Variants in GRID2 observed in about 807,000 individuals in gnomAD.
The protein encoded by GRID2 is glutamate receptor ionotropic, delta-2.
GRID2 carries 33 observed loss-of-function variants against 114.8 expected under a neutral mutation model. The observed-to-expected ratio is 0.29, with a 90% confidence interval of 0.22 to 0.38. The LOEUF is 0.38. Ranked by LOEUF, GRID2 falls within the 10% of genes least tolerant of loss-of-function variation. The probability of loss-of-function intolerance (pLI) is 1.00; values close to 1 mark genes in which losing one functional copy is unlikely to be tolerated. For synonymous variants in GRID2, 505 were observed against 449.9 expected, an observed-to-expected ratio of 1.12 and a Z score of -1.55; for missense variants, 1,184 against 1,257.7, an observed-to-expected ratio of 0.94 and a Z score of 0.89.
intron 1 of GRID2, among the ~76,000 whole-genome samples, chr4:92,530,756 A>T (rs911622447): frequency 1.4e-5 from 2 of 145,596 alleles, no homozygotes; most frequent in Admixed American, 1.4e-4. Flanking sequence ...AAAAAAAAAA[A>T]ATTAGCTGGG....
intron 14 of GRID2, among the ~76,000 whole-genome samples, chr4:93,740,621 T>C (rs972950150): frequency 1.3e-5 from 2 of 152,206 alleles, no homozygotes; most frequent in African/African-American, 2.4e-5. Flanking sequence ...TAGATACATA[T>C]GTGCGTTACT....
intron 2 of GRID2, among the ~76,000 whole-genome samples, chr4:92,951,105 A>G (rs986539358): frequency 6.6e-6 from 1 of 152,130 alleles, no homozygotes; most frequent in African/African-American, 2.4e-5. Context: ...CTAGAACCAC[A>G]CTATCTATTA....
At chr4:93,593,381 C>T (rs377247952) in intron 13 of GRID2, among the ~76,000 whole-genome samples, 28 of 133,990 alleles carry the variant, frequency 2.1e-4, no homozygotes, top group African/African-American at 6.7e-4. Flanking sequence ...TGAATATTGG[C>T]CCCCACTCTC....
chr4:93,627,652 C>A (rs1742845625), intron 14 of GRID2, among the ~76,000 whole-genome samples: 1 of 152,210 alleles, frequency 6.6e-6, no homozygotes. Context: ...CTTCTCATTC[C>A]AAGGCCCAGG....
intron 1 of GRID2, among the ~76,000 whole-genome samples, chr4:92,492,539 A>G (rs1291869105): frequency 6.6e-6 from 1 of 152,176 alleles, no homozygotes; most frequent in East Asian, 1.9e-4. Context: ...CCTTTCAGAT[A>G]TTCTTGGATA....
intron 2 of GRID2, among the ~76,000 whole-genome samples, chr4:92,638,713 A>T (rs1370881101): frequency 6.6e-6 from 1 of 150,542 alleles, no homozygotes; most frequent in African/African-American, 2.4e-5. Context: ...TGTAAATAAA[A>T]GATTAATGAA....
chr4:92,484,658 GA>G (rs1366993622), intron 1 of GRID2, among the ~76,000 whole-genome samples: 1 of 152,018 alleles, frequency 6.6e-6, no homozygotes, highest in Non-Finnish European at 1.5e-5. Flanking sequence ...CAGTACATCA[GA>G]ATAAGTTAAT....
chr4:93,647,851 T>C (rs1202251965), intron 14 of GRID2, among the ~76,000 whole-genome samples: 1 of 152,162 alleles, frequency 6.6e-6, no homozygotes, highest in Non-Finnish European at 1.5e-5. Flanking sequence ...ACACCCACAA[T>C]AAAATAGCTA....
chr4:92,951,716 C>T (rs1005057680), intron 2 of GRID2, among the ~76,000 whole-genome samples: 2 of 152,170 alleles, frequency 1.3e-5, no homozygotes, highest in Non-Finnish European at 2.9e-5. Context: ...TTGCACCAAA[C>T]TGTGTGACCC....
chr4:93,243,516 T>C (rs1384332782), intron 8 of GRID2, among the ~76,000 whole-genome samples: 6 of 152,026 alleles, frequency 3.9e-5, no homozygotes, highest in Admixed American at 3.9e-4. Context: ...AGTGGCTCAG[T>C]GTATACAAAG....
At chr4:92,813,016 C>T (rs1016062429) in intron 2 of GRID2, among the ~76,000 whole-genome samples, 1 of 152,084 alleles carries the variant, frequency 6.6e-6, no homozygotes, top group African/African-American at 2.4e-5. Flanking sequence ...ATAATGTGCA[C>T]TTTTACTTGT....
intron 2 of GRID2, among the ~76,000 whole-genome samples, chr4:92,911,927 T>G (rs1432643712): frequency 6.6e-6 from 1 of 151,820 alleles, no homozygotes; most frequent in Non-Finnish European, 1.5e-5. Flanking sequence ...AACACAAGCT[T>G]CCAGTTTTTC....
intron 2 of GRID2, among the ~76,000 whole-genome samples, chr4:92,972,006 C>A (rs902377144): frequency 2.6e-5 from 4 of 152,032 alleles, no homozygotes; most frequent in African/African-American, 9.7e-5. Context: ...AAGGGGGGTA[C>A]TGTTTCTCTT....
At chr4:92,831,771 G>A (rs1485034703) in intron 2 of GRID2, among the ~76,000 whole-genome samples, 1 of 151,758 alleles carries the variant, frequency 6.6e-6, no homozygotes, top group Non-Finnish European at 1.5e-5. Context: ...GAGAGAGGAG[G>A]ATCACTTAAG....
At position 93,163,376 on chromosome 4, in the gene GRID2, A is replaced by G. The variant is rs1452445241; in HGVS notation, c.736-44028A>G. 2.9e-4 allele frequency among the ~76,000 whole-genome samples: 15 copies of G among 51,796 alleles called. 2 individuals carry two copies. The highest frequency in any genetic ancestry group is 5.8e-4 in the African/African-American group (8 of 13,858). 34.0% of individuals were successfully genotyped at this position (51,796 alleles called of 152,430 possible). ...TTTGTGTATATATATATATATATAT[A>G]TATATATATATATATATATATATAC... is the stretch of plus-strand genomic sequence containing the variant. On this transcript the variant is annotated intron_variant, in intron 4 of 15. Coordinates refer to ENST00000282020, the MANE Select transcript of GRID2 (RefSeq NM_001510.4).
At chr4:93,283,341 T>C (rs1356330373) in intron 8 of GRID2, among the ~76,000 whole-genome samples, 1 of 152,070 alleles carries the variant, frequency 6.6e-6, no homozygotes, top group Non-Finnish European at 1.5e-5. Flanking sequence ...CAAATGAAAC[T>C]TGTTTTCTTT....
chr4:92,784,443 TA>T (rs1198151250), intron 2 of GRID2, among the ~76,000 whole-genome samples: 1 of 151,866 alleles, frequency 6.6e-6, no homozygotes, highest in Non-Finnish European at 1.5e-5. Context: ...TATAATTTAA[TA>T]TATTTTATCT....
At chr4:93,474,420 T>C (rs1374485762) in intron 11 of GRID2, among the ~76,000 whole-genome samples, 1 of 152,170 alleles carries the variant, frequency 6.6e-6, no homozygotes, top group Non-Finnish European at 1.5e-5. Flanking sequence ...TAGAATCATC[T>C]AAATAACTTG....
At chr4:92,610,245 G>A (rs984574036) in intron 2 of GRID2, among the ~76,000 whole-genome samples, 2 of 151,580 alleles carry the variant, frequency 1.3e-5, no homozygotes, top group African/African-American at 4.8e-5. Context: ...CAGGCAGATG[G>A]GGACAATGCA....
Sources: gnomAD v4.1 joint callset for allele counts (sites outside exome capture counted in the v4.1 genomes callset) on GRCh38, gnomAD v4.1.1 for gene constraint, MANE v1.5 for transcripts, NCBI Gene and HGNC (gene_info 2026-07-23, HGNC 2026-07-21) for gene names.